The following KCNQ5 variants were observed in gnomAD, a reference collection of about 807,000 sequenced individuals.
The protein encoded by KCNQ5 is potassium voltage-gated channel subfamily KQT member 5.
In KCNQ5, 30 loss-of-function variants were observed where a neutral mutation model predicts 98.2. The observed-to-expected ratio is 0.31, with a 90% CI of 0.23 to 0.41. The LOEUF (loss-of-function observed/expected upper bound fraction) is 0.41. Ranked by LOEUF, KCNQ5 falls within the 10% of genes least tolerant of loss-of-function variation. The pLI, the probability that KCNQ5 is intolerant of heterozygous loss-of-function variation, is 1.00. For missense variants in KCNQ5, 835 were observed against 1,182.5 expected (o/e 0.71, Z 4.31); for synonymous variants, 458 against 449.4 (o/e 1.02, Z -0.24).
intron 1 of KCNQ5, among the ~76,000 whole-genome samples, chr6:72,913,652 T>C (rs1368231639): frequency 6.6e-6 from 1 of 152,252 alleles, no homozygotes; most frequent in African/African-American, 2.4e-5. Flanking sequence ...CTATCTGTTC[T>C]CATGTGAAAT....
intron 2 of KCNQ5, among the ~76,000 whole-genome samples, chr6:73,036,087 A>G (rs946608141): frequency 1.3e-5 from 2 of 151,240 alleles, no homozygotes; most frequent in African/African-American, 2.4e-5. Context: ...AACAACAATC[A>G]AGATATTGGA....
chr6:73,092,537 CT>C (rs964510019), intron 5 of KCNQ5, among the ~76,000 whole-genome samples: 30 of 151,996 alleles, frequency 2.0e-4, no homozygotes, highest in Admixed American at 2.0e-3. Flanking sequence ...ACTTTTATTA[CT>C]TTTATTACAT....
At chr6:72,879,046 T>G (rs1227845919) in intron 1 of KCNQ5, among the ~76,000 whole-genome samples, 2 of 152,198 alleles carry the variant, frequency 1.3e-5, no homozygotes, top group African/African-American at 4.8e-5. Flanking sequence ...TTATATATAA[T>G]TTTTGACTAT....
intron 1 of KCNQ5, among the ~76,000 whole-genome samples, chr6:72,907,292 A>G (rs776376426): frequency 1.3e-5 from 2 of 152,206 alleles, no homozygotes; most frequent in Admixed American, 6.5e-5. Context: ...AAATCTGCAC[A>G]TGTACCCCTG....
chr6:73,053,346 GA>G (rs1338594450), intron 3 of KCNQ5, among the ~76,000 whole-genome samples: 1 of 152,074 alleles, frequency 6.6e-6, no homozygotes, highest in Non-Finnish European at 1.5e-5. Flanking sequence ...CATTGAGGCA[GA>G]AAACTAACAA....
chr6:72,983,420 T>C (rs1000275841), intron 1 of KCNQ5, among the ~76,000 whole-genome samples: 25 of 152,210 alleles, frequency 1.6e-4, no homozygotes, highest in African/African-American at 5.5e-4. Flanking sequence ...TTTCATTAAT[T>C]TGATCTTCAA....
intron 9 of KCNQ5, chr6:73,124,744 T>C: frequency 1.8e-6 from 1 of 549,204 alleles, no homozygotes; most frequent in Non-Finnish European, 3.2e-6. Context: ...GCATGGAACA[T>C]TTGGAGGTGG....
chr6:72,847,429 G>T (rs368073171), intron 1 of KCNQ5, among the ~76,000 whole-genome samples: 40 of 152,304 alleles, frequency 2.6e-4, no homozygotes, highest in African/African-American at 6.5e-4. Flanking sequence ...CCAAAGTGCT[G>T]GGATTACAGG....
intron 1 of KCNQ5, among the ~76,000 whole-genome samples, chr6:72,763,495 T>C (rs756924543): frequency 3.9e-5 from 6 of 152,094 alleles, no homozygotes; most frequent in Non-Finnish European, 8.8e-5. Flanking sequence ...GTATAAAATG[T>C]CAATTACAAG....
intron 1 of KCNQ5, among the ~76,000 whole-genome samples, chr6:72,822,797 G>A (rs1582358122): frequency 6.6e-6 from 1 of 152,246 alleles, no homozygotes; most frequent in East Asian, 1.9e-4. Context: ...TCCAAAATAG[G>A]TCATAGGGAA....
At chr6:72,893,816 A>G (rs1779147368) in intron 1 of KCNQ5, among the ~76,000 whole-genome samples, 1 of 152,156 alleles carries the variant, frequency 6.6e-6, no homozygotes, top group Admixed American at 6.5e-5. Flanking sequence ...TACAATCACA[A>G]TAGAAATATT....
chr6:72,962,222 C>CATAT lies in KCNQ5; in HGVS notation c.399-41674_399-41671dup, dbSNP rs775320861. On this transcript the variant is annotated intron_variant, in intron 1 of 13. Transcript: ENST00000370398. ...ATATACATATATATATATATACACA[C>CATAT]ATATATATATATATACACATATATA... 1.6e-3 allele frequency among the ~76,000 whole-genome samples: 228 copies of CATAT among 138,478 alleles called. 1 individual carries two copies. Among genetic ancestry groups the CATAT allele is most frequent in the African/African-American group, 5.0e-3 (187 of 37,078 alleles). 90.8% of individuals were successfully genotyped at this position (138,478 alleles called of 152,430 possible).
At chr6:73,077,267 TA>T in intron 3 of KCNQ5, 54 bp from the exon 4 acceptor site, 1 of 1,513,334 alleles carries the variant, frequency 6.6e-7, no homozygotes, top group Non-Finnish European at 9.1e-7. Context: ...ATTGTTTTGG[TA>T]AATAAAAATT....
intron 11 of KCNQ5, among the ~76,000 whole-genome samples, chr6:73,177,682 C>A (rs1438695827): frequency 6.6e-6 from 1 of 152,202 alleles, no homozygotes; most frequent in Non-Finnish European, 1.5e-5. Context: ...TTGCTGATGG[C>A]ATCTCTGCTA....
At chr6:73,140,633 G>C (rs1582432277) in intron 10 of KCNQ5, among the ~76,000 whole-genome samples, 1 of 152,074 alleles carries the variant, frequency 6.6e-6, no homozygotes, top group Admixed American at 6.6e-5. Context: ...AAGAACAAAA[G>C]GATTTATTGA....
chr6:72,798,670 C>G (rs1463155851), intron 1 of KCNQ5, among the ~76,000 whole-genome samples: 1 of 152,114 alleles, frequency 6.6e-6, no homozygotes, highest in Non-Finnish European at 1.5e-5. Context: ...ATTTCCATTT[C>G]AAGCATTAGG....
intron 1 of KCNQ5, among the ~76,000 whole-genome samples, chr6:72,940,764 G>A (rs1180162693): frequency 6.6e-6 from 1 of 152,144 alleles, no homozygotes; most frequent in Non-Finnish European, 1.5e-5. Flanking sequence ...CATGGCTTCT[G>A]CACGTACTAG....
At chr6:73,150,101 G>T (rs1777091566) in intron 10 of KCNQ5, among the ~76,000 whole-genome samples, 1 of 151,452 alleles carries the variant, frequency 6.6e-6, no homozygotes, top group South Asian at 2.1e-4. Context: ...ACAAGTGCAA[G>T]AAAAGATGTT....
At chr6:72,984,278 T>G (rs917438069) in intron 1 of KCNQ5, among the ~76,000 whole-genome samples, 2 of 152,210 alleles carry the variant, frequency 1.3e-5, no homozygotes, top group African/African-American at 4.8e-5. Flanking sequence ...CTGCAGTGGT[T>G]TCTGCTGCCC....
Sources: allele counts gnomAD v4.1 joint callset (sites outside exome capture counted in the v4.1 genomes callset), GRCh38; gene constraint gnomAD v4.1.1; transcripts MANE v1.5; gene names NCBI Gene and HGNC (gene_info 2026-07-23, HGNC 2026-07-21).